Variants in NUDCD1 observed in about 807,000 individuals in gnomAD.
NUDCD1 encodes the protein nudC domain-containing protein 1.
In NUDCD1, 60 loss-of-function variants were observed where a neutral mutation model predicts 67.8. That is an observed-to-expected ratio of 0.88 (90% CI 0.72 to 1.10). NUDCD1 has a LOEUF of 1.10. Among genes scored for constraint, NUDCD1 ranks in the 50% least tolerant of loss-of-function variants. The probability of loss-of-function intolerance (pLI) is 0.00; values close to 1 mark genes in which losing one functional copy is unlikely to be tolerated. For missense variants in NUDCD1, 643 were observed against 695.0 expected (o/e 0.93, Z 0.84); for synonymous variants, 244 against 230.8 (o/e 1.06, Z -0.52).
intron 4 of NUDCD1, among the ~76,000 whole-genome samples, chr8:109,292,967 A>G (rs1031709519): frequency 2.0e-5 from 3 of 152,018 alleles, no homozygotes; most frequent in Admixed American, 6.6e-5. Flanking sequence ...ATTTATATTT[A>G]TTTACATTTA....
intron 1 of NUDCD1, among the ~76,000 whole-genome samples, chr8:109,331,646 T>C (rs1456726983): frequency 2.0e-5 from 3 of 152,196 alleles, no homozygotes; most frequent in African/African-American, 7.2e-5. Flanking sequence ...GAATTTTTTC[T>C]AAAGTTAAAG....
At chr8:109,303,086 T>TG (rs1815027094) in intron 2 of NUDCD1, among the ~76,000 whole-genome samples, 1 of 152,192 alleles carries the variant, frequency 6.6e-6, no homozygotes, top group South Asian at 2.1e-4. Flanking sequence ...TTGCTTCAAG[T>TG]GCTGGAAATC....
chr8:109,249,046 T>C (rs1813564841), intron 8 of NUDCD1, among the ~76,000 whole-genome samples: 1 of 152,212 alleles, frequency 6.6e-6, no homozygotes, highest in African/African-American at 2.4e-5. Context: ...AGTTTGTCTC[T>C]TCATTTCACT....
intron 1 of NUDCD1, chr8:109,329,955 A>G (rs1815768516): frequency 6.9e-7 from 1 of 1,449,004 alleles, no homozygotes; most frequent in Admixed American, 2.7e-5. Flanking sequence ...GCAACGCATA[A>G]TACAGATTCT....
Position 109,289,770 on chromosome 8 carries a change from G to C in NUDCD1, c.804C>G (p.Asp268Glu). The C allele has an allele frequency of 6.6e-7, 1 of 1,514,056 alleles. No homozygotes were observed. The allele number at this position is 1,514,056 out of a possible 1,614,324, so 93.8% of individuals were successfully genotyped here. Reference sequence around the variant, plus strand: ...AATTACCTTTGATTTTCTCTGATATGTCTTCATCCATATTTTCTTCAAGAT... The same window carrying C: ...AATTACCTTTGATTTTCTCTGATATCTCTTCATCCATATTTTCTTCAAGAT... ...GQDLEENMDE[D>E]ISEKIKEPLY... Residue 268 changes from aspartate to glutamate, a missense_variant, in exon 5 of 10, where the codon GAC (aspartate) becomes GAG (glutamate). Coordinates refer to ENST00000239690, the MANE Select transcript of NUDCD1 (RefSeq NM_032869.4).
At chr8:109,289,699 TA>T in intron 5 of NUDCD1, 51 bp downstream of exon 5, 1 of 942,840 alleles carries the variant, frequency 1.1e-6, no homozygotes, top group Non-Finnish European at 1.6e-6. Flanking sequence ...ATAAAAGACA[TA>T]AATATATGTT....
chr8:109,280,118 A>T (rs1159102610), intron 6 of NUDCD1, among the ~76,000 whole-genome samples: 1 of 152,188 alleles, frequency 6.6e-6, no homozygotes, highest in Non-Finnish European at 1.5e-5. Flanking sequence ...AACAGAAGTT[A>T]TTGAAAACAA....
In NUDCD1 at chr8:109,275,405, C is replaced by A. The variant is rs1814261537; in HGVS notation, c.1120G>T (p.Ala374Ser). Residue 374 changes from alanine (A) to serine (S), a missense_variant, in exon 7 of 10, where the codon GCC becomes TCC. Transcript: ENST00000239690. ...CGTTCAGCTATTGCAGCACACTGGG[C>A]TGAATCTCTTATAAGTTCCCCTTGT... ...DKQGELIRDS[A>S]QCAAIAERLM... 1 of 1,613,668 alleles carries A rather than the reference C, an allele frequency of 6.2e-7. No individual in the cohort carries two copies. Among genetic ancestry groups the A allele is most frequent in the South Asian group, 1.1e-5 (1 of 91,074 alleles).
intron 6 of NUDCD1, among the ~76,000 whole-genome samples, chr8:109,279,718 G>A (rs760712743): frequency 1.3e-5 from 2 of 151,978 alleles, no homozygotes; most frequent in South Asian, 2.1e-4. Flanking sequence ...GGAAACCTCC[G>A]CCTCCCGGGT....
chr8:109,243,101 C>A lies in NUDCD1; in HGVS notation c.1660G>T (p.Asp554Tyr). The change falls in exon 10 of 10, where the codon GAT becomes TAT. Residue 554 changes from aspartate (D) to tyrosine (Y), a missense_variant. Asp to Tyr is a radical substitution (Grantham distance 160). Coordinates refer to ENST00000239690, the MANE Select transcript of NUDCD1 (RefSeq NM_032869.4). ...KQQVASLETN[D>Y]PILGFQATNE... ...GTTGCCTGAAATCCTAAAATAGGAT[C>A]ATTGGTTTCTAGGCTTGCTACTTGC... 1 of 1,613,554 alleles carries A rather than the reference C, an allele frequency of 6.2e-7. No homozygotes were observed. The highest frequency in any genetic ancestry group is 8.5e-7 in the Non-Finnish European group (1 of 1,179,570).
intron 4 of NUDCD1, among the ~76,000 whole-genome samples, chr8:109,291,632 A>G (rs77453074): frequency 0.024 from 3,696 of 152,310 alleles, 140 homozygotes; most frequent in African/African-American, 0.084. Context: ...CAATCATATT[A>G]GTAGTAGTCT....
intron 2 of NUDCD1, among the ~76,000 whole-genome samples, chr8:109,314,097 G>A (rs1163418558): frequency 1.3e-5 from 2 of 152,180 alleles, no homozygotes; most frequent in Admixed American, 1.3e-4. Flanking sequence ...ACTTATATCT[G>A]AATAACCTCT....
At chr8:109,261,102 T>C (rs1813855193) in intron 8 of NUDCD1, among the ~76,000 whole-genome samples, 1 of 152,192 alleles carries the variant, frequency 6.6e-6, no homozygotes, top group Non-Finnish European at 1.5e-5. Flanking sequence ...ATATTTGTAA[T>C]TTTTAAAAAT....
At chr8:109,252,352 TTTTC>T (rs1174678868) in intron 8 of NUDCD1, among the ~76,000 whole-genome samples, 2 of 151,990 alleles carry the variant, frequency 1.3e-5, no homozygotes, top group Non-Finnish European at 2.9e-5. Context: ...GTTTTGAGGT[TTTTC>T]TTTATCTTTT....
Position 109,242,956 on chromosome 8 carries a change from C to T in NUDCD1, c.*53G>A, listed in dbSNP as rs1432027646. On this transcript the variant is annotated 3_prime_UTR_variant, in exon 10 of 10. Transcript: ENST00000239690. The stretch of plus-strand genomic sequence containing the variant: ...GGTTACAGTATAACTGTCCAGACCT[C>T]CAGGTACCACTGAATACTTTTCCAG... The T allele has an allele frequency of 8.2e-7, 1 of 1,215,706 alleles. No homozygotes were observed. The highest frequency in any genetic ancestry group is 1.5e-5 in the African/African-American group (1 of 66,356). The allele number at this position is 1,215,706 out of a possible 1,614,324, so 75.3% of individuals were successfully genotyped here.
chr8:109,301,777 A>G (rs1465833411), intron 2 of NUDCD1, among the ~76,000 whole-genome samples: 1 of 152,172 alleles, frequency 6.6e-6, no homozygotes, highest in Admixed American at 6.5e-5. Context: ...GACACATTTT[A>G]TCCATGGACC....
At chr8:109,307,319 C>T (rs1815131361) in intron 2 of NUDCD1, among the ~76,000 whole-genome samples, 1 of 152,214 alleles carries the variant, frequency 6.6e-6, no homozygotes, top group South Asian at 2.1e-4. Context: ...CTATCCCAAA[C>T]CTGTAAGAAC....
chr8:109,334,084 G>A lies in NUDCD1; in HGVS notation c.-74C>T, dbSNP rs1186293222. The A allele has an allele frequency of 1.3e-6, 2 of 1,598,400 alleles. No individual in the cohort carries two copies. The highest frequency in any genetic ancestry group is 3.5e-5 in the Admixed American group (2 of 57,858). On this transcript the variant is annotated 5_prime_UTR_variant, in exon 1 of 10. Coordinates refer to ENST00000239690, the MANE Select transcript of NUDCD1 (RefSeq NM_032869.4). ...GTCCGCGCTTCACGCCTCGCACAGA[G>A]ACTGGGAAGCGGCGTGGTTCCCATC... is the stretch of plus-strand genomic sequence containing the variant.
intron 3 of NUDCD1, among the ~76,000 whole-genome samples, chr8:109,295,658 G>A (rs1227733816): frequency 6.6e-6 from 1 of 152,044 alleles, no homozygotes; most frequent in Non-Finnish European, 1.5e-5. Context: ...AATATATTAA[G>A]CTCGCATCTC....
Sources: gnomAD v4.1 joint callset for allele counts (sites outside exome capture counted in the v4.1 genomes callset) on GRCh38, gnomAD v4.1.1 for gene constraint, MANE v1.5 for transcripts, NCBI Gene and HGNC (gene_info 2026-07-23, HGNC 2026-07-21) for gene names.